The following SGK1 variants were observed in gnomAD, a reference collection of about 807,000 sequenced individuals.
SGK1 encodes serine/threonine-protein kinase Sgk1.
Under a neutral mutation model 64.2 loss-of-function variants are expected in SGK1, and 26 were observed. That is an observed-to-expected ratio of 0.40 (90% confidence interval 0.30 to 0.56). The LOEUF (loss-of-function observed/expected upper bound fraction) is 0.56. Ranked by LOEUF, SGK1 falls within the 20% of genes least tolerant of loss-of-function variation. SGK1 has a pLI of 0.38. For missense variants in SGK1, 519 were observed against 645.6 expected (o/e 0.80, Z 2.12); for synonymous variants, 265 against 239.7 (o/e 1.11, Z -0.98).
intron 2 of SGK1, among the ~76,000 whole-genome samples, chr6:134,219,916 G>A (rs1260064993): frequency 7.5e-5 from 11 of 146,320 alleles, no homozygotes; most frequent in African/African-American, 2.3e-4. Context: ...AAAATTAGCC[G>A]GGCGTAGGGG....
chr6:134,215,995 GAC>G (rs1775973976), intron 2 of SGK1, among the ~76,000 whole-genome samples: 1 of 152,164 alleles, frequency 6.6e-6, no homozygotes, highest in Non-Finnish European at 1.5e-5. Flanking sequence ...TAGCCTGGGT[GAC>G]AGAGCAAGAC....
intron 2 of SGK1, among the ~76,000 whole-genome samples, chr6:134,244,797 T>C (rs1776501254): frequency 6.6e-6 from 1 of 152,202 alleles, no homozygotes; most frequent in Non-Finnish European, 1.5e-5. Context: ...TTTTTTGAGA[T>C]GGAGTTTCAC....
intron 3 of SGK1, among the ~76,000 whole-genome samples, chr6:134,179,661 G>A (rs966240723): frequency 2.6e-5 from 4 of 151,952 alleles, no homozygotes; most frequent in Admixed American, 2.6e-4. Context: ...AATTTGACAT[G>A]CAAAAAGATG....
At position 134,271,726 on chromosome 6, in the gene SGK1, A is replaced by G. The variant is rs1382311863; in HGVS notation, c.70-9578T>C. ...TCATCACCCAGGAATTAAGCCTAGT[A>G]CCCAATAGTTATCTTTTGTGCTCTT... On this transcript the variant is annotated intron_variant, in intron 1 of 13. Coordinates refer to ENST00000367858, the MANE Select transcript of SGK1 (RefSeq NM_001143676.3). 4.1e-5 allele frequency among the ~76,000 whole-genome samples: 6 copies of G among 147,804 alleles called. 1 individual carries two copies. The highest frequency in any genetic ancestry group is 9.0e-5 in the Non-Finnish European group (6 of 66,686).
chr6:134,285,468 ACT>A (rs1474714466), intron 1 of SGK1, among the ~76,000 whole-genome samples: 1 of 131,372 alleles, frequency 7.6e-6, no homozygotes, highest in East Asian at 2.3e-4. Flanking sequence ...ACAGAGTGAG[ACT>A]CTGCCTCAAA....
intron 1 of SGK1, among the ~76,000 whole-genome samples, chr6:134,275,247 A>C (rs1280257684): frequency 6.6e-6 from 1 of 152,020 alleles, no homozygotes; most frequent in East Asian, 1.9e-4. Flanking sequence ...GAGTGTCACT[A>C]TGTTGCCCAC....
chr6:134,242,877 A>G (rs1776470376), intron 2 of SGK1, among the ~76,000 whole-genome samples: 1 of 152,190 alleles, frequency 6.6e-6, no homozygotes, highest in Admixed American at 6.5e-5. Flanking sequence ...AAAACACCCA[A>G]AACACATCTT....
chr6:134,317,515 G>A lies in SGK1; in HGVS notation c.-55C>T. ...ATCCAGGTTGGCACCCGCCTGGTTA[G>A]TGCATATCTGTTTCCCCGGTTTACC... On this transcript the variant is annotated 5_prime_UTR_variant, in exon 1 of 14. Coordinates refer to ENST00000367858, the MANE Select transcript of SGK1 (RefSeq NM_001143676.3). 9.7e-7 allele frequency: 1 copy of A among 1,031,566 alleles called. No homozygotes were observed. Among genetic ancestry groups the A allele is most frequent in the Non-Finnish European group, 1.5e-6 (1 of 647,974 alleles). 63.9% of individuals were successfully genotyped at this position (1,031,566 alleles called of 1,614,324 possible). A position where few individuals can be genotyped will look rare whatever the true frequency, so the allele number is the denominator to read the frequency against.
intron 1 of SGK1, among the ~76,000 whole-genome samples, chr6:134,269,222 C>T (rs1051329736): frequency 6.8e-6 from 1 of 147,484 alleles, no homozygotes; most frequent in Non-Finnish European, 1.5e-5. Context: ...GAAGAGCTGA[C>T]TCTCTTAAAA....
intron 8 of SGK1, 107 bp downstream of exon 8, chr6:134,172,916 C>A: frequency 7.4e-7 from 1 of 1,347,656 alleles, no homozygotes. Context: ...AATGCTAATT[C>A]TGGTAACATT....
At chr6:134,295,851 G>A (rs574746251) in intron 1 of SGK1, among the ~76,000 whole-genome samples, 65 of 152,358 alleles carry the variant, frequency 4.3e-4, no homozygotes, top group African/African-American at 1.5e-3. Flanking sequence ...CTGAGCTTGG[G>A]AAATGGCAAT....
chr6:134,262,010 C>A lies in SGK1; in HGVS notation c.208G>T (p.Gly70Cys). The change falls in exon 2 of 14, where the codon GGT becomes TGT. Residue 70 changes from glycine (G) to cysteine (C), a missense_variant. Transcript: ENST00000367858. The part of the protein sequence containing the change: ...FESSLCQTCL[G>C]EHAFQRGVLP... ...ACCCCTCTTTGGAAAGCATGTTCAC[C>A]CAGGCATGTTTGACACAAGGAAGAC... 6.2e-7 allele frequency: 1 copy of A among 1,613,908 alleles called. No individual in the cohort carries two copies. Among genetic ancestry groups the A allele is most frequent in the Non-Finnish European group, 8.5e-7 (1 of 1,179,858 alleles).
chr6:134,198,180 T>G (rs1775625879), intron 3 of SGK1, among the ~76,000 whole-genome samples: 1 of 152,218 alleles, frequency 6.6e-6, no homozygotes, highest in Non-Finnish European at 1.5e-5. Flanking sequence ...TCACTGTGTG[T>G]AAGACGATTT....
chr6:134,240,804 A>G (rs1045638525), intron 2 of SGK1, among the ~76,000 whole-genome samples: 1 of 152,158 alleles, frequency 6.6e-6, no homozygotes, highest in African/African-American at 2.4e-5. Context: ...AGATTAAAGG[A>G]AGTGTCTTCG....
intron 3 of SGK1, among the ~76,000 whole-genome samples, chr6:134,195,735 G>A (rs1370282715): frequency 2.6e-5 from 4 of 152,098 alleles, no homozygotes; most frequent in Non-Finnish European, 5.9e-5. Flanking sequence ...ACTAAGGTTC[G>A]CTCCAATTTG....
chr6:134,242,984 T>C (rs1776471839), intron 2 of SGK1, among the ~76,000 whole-genome samples: 1 of 151,452 alleles, frequency 6.6e-6, no homozygotes, highest in Admixed American at 6.6e-5. Context: ...AAATATAGAA[T>C]CAATGATAAT....
intron 3 of SGK1, chr6:134,174,789 C>T (rs1276580422): frequency 6.8e-6 from 11 of 1,614,084 alleles, no homozygotes; most frequent in Non-Finnish European, 8.5e-7. Flanking sequence ...CCCTTAGCAG[C>T]CTCAGTTTTC....
intron 1 of SGK1, 124 bp downstream of exon 1, chr6:134,317,268 C>A: frequency 4.0e-6 from 3 of 740,980 alleles, no homozygotes; most frequent in Non-Finnish European, 7.4e-6. Flanking sequence ...TTTACCACTG[C>A]CATCAGAAGC....
chr6:134,197,525 C>A (rs1228315754), intron 3 of SGK1, among the ~76,000 whole-genome samples: 1 of 151,966 alleles, frequency 6.6e-6, no homozygotes, highest in East Asian at 1.9e-4. Flanking sequence ...CAAGCTTCAA[C>A]ACATAAAAAG....
Sources: gnomAD v4.1 joint callset for allele counts (sites outside exome capture counted in the v4.1 genomes callset) on GRCh38, gnomAD v4.1.1 for gene constraint, MANE v1.5 for transcripts, NCBI Gene and HGNC (gene_info 2026-07-23, HGNC 2026-07-21) for gene names.